The following ANKRD18A variants were observed in gnomAD, a reference collection of about 807,000 sequenced individuals.
The protein encoded by ANKRD18A is ankyrin repeat domain-containing protein 18A.
ANKRD18A carries 72 observed loss-of-function variants against 110.6 expected under a neutral mutation model. That is an observed-to-expected ratio of 0.65 (90% CI 0.54 to 0.79). The LOEUF is 0.79. Among genes scored for constraint, ANKRD18A ranks in the 30% least tolerant of loss-of-function variants. ANKRD18A has a pLI of 0.00. For synonymous variants in ANKRD18A, 305 were observed against 410.3 expected (o/e 0.74, Z 3.10); for missense variants, 934 against 1,163.3 (o/e 0.80, Z 2.87).
chr9:38,595,686 C>G lies in ANKRD18A; in HGVS notation c.1654G>C (p.Glu552Gln). ...LEERIRQQELENLLLERQLED... is the reference protein window; with the variant it reads ...LEERIRQQELQNLLLERQLED... ...AGTTGTCGTTCAAGCAAGAGATTTT[C>G]AAGTTCTTGTTGACGTATTCTCTCC... is the stretch of plus-strand genomic sequence containing the variant. The change falls in exon 9 of 16, where the codon GAA (glutamate) becomes CAA (glutamine). Residue 552 changes from glutamate (E) to glutamine (Q), a missense_variant. Glu to Gln is a conservative substitution (Grantham distance 29). Coordinates refer to ENST00000399703, the MANE Select transcript of ANKRD18A (RefSeq NM_147195.4). The G allele has an allele frequency of 3.2e-6, 5 of 1,551,290 alleles. No individual in the cohort carries two copies. Among genetic ancestry groups the G allele is most frequent in the Non-Finnish European group, 4.4e-6 (5 of 1,146,686 alleles).
rs576894735 is a variant in ANKRD18A at position 38,603,455 on chromosome 9, T to TG, written c.809-244dup. ...TATCCTCCATCTATCCTCTACAAAA[T>TG]GGGTCAGTACACTGCAGACCACAGG... On this transcript the variant is annotated intron_variant, in intron 6 of 15. Coordinates refer to ENST00000399703, the MANE Select transcript of ANKRD18A (RefSeq NM_147195.4). Among the ~76,000 whole-genome samples the TG allele has an allele frequency of 6.9e-3, 1,054 of 152,308 alleles. 13 individuals are homozygous for TG. The highest frequency in any genetic ancestry group is 0.024 in the African/African-American group (992 of 41,574).
chr9:38,580,848 C>T (rs1824130586), intron 12 of ANKRD18A, among the ~76,000 whole-genome samples: 1 of 151,082 alleles, frequency 6.6e-6, no homozygotes, highest in African/African-American at 2.4e-5. Context: ...GCTTCCCTAT[C>T]TCAGACTGCT....
chr9:38,578,193 A>T (rs1422687519), intron 12 of ANKRD18A, 45 bp from the exon 13 acceptor site: 3 of 1,494,856 alleles, frequency 2.0e-6, no homozygotes, highest in Non-Finnish European at 2.7e-6. Context: ...GTAGGCTGAG[A>T]ATAATCCAAT....
rs546974691 is a variant in ANKRD18A at position 38,575,810 on chromosome 9, A to G, written c.2742-112T>C. 7 of 1,023,688 alleles carry G rather than the reference A, an allele frequency of 6.8e-6. No individual in the cohort carries two copies. The Admixed American group carries it at 8.7e-5, about 13-fold the overall frequency. The allele number at this position is 1,023,688 out of a possible 1,614,324, so 63.4% of individuals were successfully genotyped here. A position where few individuals can be genotyped will look rare whatever the true frequency, so the allele number is the denominator to read the frequency against. On this transcript the variant is annotated intron_variant, in intron 14 of 15. Transcript: ENST00000399703. ...GAGAGTAAACCAAAATACCCATTAA[A>G]CAGTGCTTTCACACAAAGATGTGTG...
intron 10 of ANKRD18A, among the ~76,000 whole-genome samples, chr9:38,589,560 T>G (rs1400161521): frequency 6.6e-6 from 1 of 152,234 alleles, no homozygotes; most frequent in East Asian, 1.9e-4. Flanking sequence ...AAAAGTCAAG[T>G]GCTGTCTTTG....
chr9:38,603,259 T>A (rs545693071), intron 6 of ANKRD18A, 47 bp from the exon 7 acceptor site: 1 of 1,549,488 alleles, frequency 6.5e-7, no homozygotes, highest in Admixed American at 2.0e-5. Flanking sequence ...GAAAACATCA[T>A]CCCTCTGCCT....
chr9:38,579,277 T>C (rs1166234457), intron 12 of ANKRD18A, among the ~76,000 whole-genome samples: 1 of 152,198 alleles, frequency 6.6e-6, no homozygotes, highest in Non-Finnish European at 1.5e-5. Context: ...GACATTAGTC[T>C]GCACAAAGAT....
intron 8 of ANKRD18A, among the ~76,000 whole-genome samples, chr9:38,599,540 A>G (rs1273521173): frequency 1.3e-5 from 2 of 151,860 alleles, no homozygotes; most frequent in Admixed American, 6.6e-5. Flanking sequence ...TCTTGGCTCA[A>G]CACAACCTCT....
rs775588770 is a variant in ANKRD18A, at chr9:38,611,313, G to A, written c.504C>T (p.Asn168=). The change falls in exon 4 of 16, where the codon AAC becomes AAT. Residue 168 remains asparagine (N), a synonymous_variant. Coordinates refer to ENST00000399703, the MANE Select transcript of ANKRD18A (RefSeq NM_147195.4). The part of the protein sequence containing the change: ...ANIEALNKEG[N]TPLLFAINSR... ...AATTTATAGCAAACAAAAGTGGAGT[G>A]TTTCCCTCCTGTAAGAAAGCAAAAA... 5.3e-6 allele frequency: 8 copies of A among 1,518,614 alleles called. No homozygotes were observed. The South Asian group carries it at 7.7e-5, about 15-fold the overall frequency. 94.1% of individuals were successfully genotyped at this position (1,518,614 alleles called of 1,614,324 possible).
chr9:38,606,185 T>C (rs2118843876), intron 6 of ANKRD18A, among the ~76,000 whole-genome samples: 1 of 152,334 alleles, frequency 6.6e-6, no homozygotes, highest in Non-Finnish European at 1.5e-5. Context: ...TTATGGTTCT[T>C]ATTGCCATTT....
At chr9:38,583,947 G>A (rs1824267413) in intron 12 of ANKRD18A, among the ~76,000 whole-genome samples, 1 of 152,222 alleles carries the variant, frequency 6.6e-6, no homozygotes, top group African/African-American at 2.4e-5. Flanking sequence ...AACCTGCACA[G>A]GGGCTTGCCT....
chr9:38,616,175 G>C (rs1825849413), intron 1 of ANKRD18A, 131 bp from the exon 2 acceptor site: 7 of 671,376 alleles, frequency 1.0e-5, no homozygotes, highest in Non-Finnish European at 1.7e-5. Context: ...TTTGAAGAAA[G>C]TACAATATTT....
intron 6 of ANKRD18A, chr9:38,604,184 G>A (rs562725111): frequency 8.9e-4 from 135 of 151,042 alleles, no homozygotes; most frequent in African/African-American, 3.0e-3. Context: ...TGTTGTCCCA[G>A]CTCCTCGGGA....
chr9:38,592,939 G>A (rs1474232009), intron 10 of ANKRD18A, among the ~76,000 whole-genome samples: 9 of 152,232 alleles, frequency 5.9e-5, no homozygotes, highest in Non-Finnish European at 1.2e-4. Flanking sequence ...GAGAGACATG[G>A]AGTGGGGTTG....
chr9:38,616,933 T>TA (rs1227081717), intron 1 of ANKRD18A, among the ~76,000 whole-genome samples: 4 of 152,202 alleles, frequency 2.6e-5, no homozygotes, highest in African/African-American at 9.6e-5. Context: ...TGGTAGCATT[T>TA]AAAAATCATC....
Position 38,596,177 on chromosome 9 carries a change from G to C in ANKRD18A, c.1163C>G (p.Ser388Trp). ...KMITKTVARY[S>W]QQLNDLKAEN... is the part of the protein sequence containing the mutation. ...AGCTTTCAGATCATTAAGCTGTTGC[G>C]AATACCGGGCCACTGTTTTTGTTAT... The change falls in exon 9 of 16, where the codon TCG becomes TGG. Residue 388 changes from serine (S) to tryptophan (W), a missense_variant. Ser to Trp is a radical substitution (Grantham distance 177). Transcript: ENST00000399703. 6.5e-7 allele frequency: 1 copy of C among 1,543,650 alleles called. No individual in the cohort carries two copies. The highest frequency in any genetic ancestry group is 8.7e-7 in the Non-Finnish European group (1 of 1,143,954).
intron 10 of ANKRD18A, among the ~76,000 whole-genome samples, chr9:38,590,353 G>A (rs1824592508): frequency 6.6e-6 from 1 of 151,848 alleles, no homozygotes; most frequent in Non-Finnish European, 1.5e-5. Context: ...CACCTCCTGG[G>A]TTCAAGTGAT....
At chr9:38,618,283 G>T (rs1825939206) in intron 1 of ANKRD18A, among the ~76,000 whole-genome samples, 1 of 152,152 alleles carries the variant, frequency 6.6e-6, no homozygotes, top group Non-Finnish European at 1.5e-5. Flanking sequence ...CAAATGCTCA[G>T]AAGTTACAAA....
chr9:38,592,224 G>A (rs1824681146), intron 10 of ANKRD18A, among the ~76,000 whole-genome samples: 2 of 152,236 alleles, frequency 1.3e-5, no homozygotes, highest in Admixed American at 1.3e-4. Flanking sequence ...AATTGGTAGG[G>A]TATATTTTGT....
Sources: gnomAD v4.1 joint callset for allele counts (sites outside exome capture counted in the v4.1 genomes callset) on GRCh38, gnomAD v4.1.1 for gene constraint, MANE v1.5 for transcripts, NCBI Gene and HGNC (gene_info 2026-07-23, HGNC 2026-07-21) for gene names.